GDA: variants seen among roughly 807,000 people sequenced by gnomAD.
GDA encodes the protein guanine deaminase.
A neutral mutation model predicts 59.6 loss-of-function variants in GDA; 18 were observed. That is an observed-to-expected ratio of 0.30 (90% CI 0.21 to 0.45). The LOEUF (loss-of-function observed/expected upper bound fraction) is 0.45, where lower values mean the gene tolerates loss of function less well. Ranked by LOEUF, GDA falls within the 20% of genes least tolerant of loss-of-function variation. The pLI is 1.00. For synonymous variants in GDA, 201 were observed against 201.1 expected (o/e 1.00, Z 0.00); for missense variants, 427 against 552.3 (o/e 0.77, Z 2.27).
chr9:72,132,957 C>T (rs963906637), intron 1 of GDA, among the ~76,000 whole-genome samples: 2 of 152,212 alleles, frequency 1.3e-5, no homozygotes, highest in Admixed American at 1.3e-4. Flanking sequence ...GTGTAATAAT[C>T]AATTTCAGGT....
At chr9:72,142,678 C>T (rs1826483553) in intron 1 of GDA, among the ~76,000 whole-genome samples, 1 of 152,116 alleles carries the variant, frequency 6.6e-6, no homozygotes, top group Admixed American at 6.5e-5. Flanking sequence ...ATATCATTGG[C>T]TTGTGACTGA....
rs1033318952 is a variant in GDA, at chr9:72,134,111, G to T, written c.-100+19278G>T. Reference sequence around the variant, plus strand: ...TGGAGGGAGTAGGGAAAGGGAAGGGGCTTGGCAAATAGGGATGAACGCCAG... The same window carrying T: ...TGGAGGGAGTAGGGAAAGGGAAGGGTCTTGGCAAATAGGGATGAACGCCAG... On this transcript the variant is annotated intron_variant, in intron 1 of 13. Transcript: ENST00000545168. 1.3e-4 allele frequency among the ~76,000 whole-genome samples: 20 copies of T among 152,048 alleles called. 1 individual carries two copies. Among genetic ancestry groups the T allele is most frequent in the Non-Finnish European group, 5.9e-5 (4 of 68,012 alleles).
chr9:72,198,027 T>C (rs1462017018), intron 2 of GDA, among the ~76,000 whole-genome samples: 3 of 152,090 alleles, frequency 2.0e-5, no homozygotes. Flanking sequence ...AGGCACAAAA[T>C]TTAAAAGCAG....
intron 2 of GDA, among the ~76,000 whole-genome samples, chr9:72,199,338 C>T (rs564129555): frequency 3.3e-5 from 5 of 152,072 alleles, no homozygotes; most frequent in Admixed American, 1.3e-4. Context: ...AATCATTTCA[C>T]GATGCTTACT....
At chr9:72,225,886 C>A in intron 8 of GDA, 102 bp downstream of exon 8, 1 of 580,352 alleles carries the variant, frequency 1.7e-6, no homozygotes, top group Non-Finnish European at 3.0e-6. Flanking sequence ...GAATACATTT[C>A]TTTAAAAATT....
At chr9:72,151,070 G>A (rs898187085) in intron 1 of GDA, among the ~76,000 whole-genome samples, 16 of 152,158 alleles carry the variant, frequency 1.1e-4, no homozygotes, top group African/African-American at 3.9e-4. Context: ...AATTGTAATT[G>A]GTAGGGTAAC....
At chr9:72,226,978 C>G (rs1284694806) in intron 8 of GDA, among the ~76,000 whole-genome samples, 2 of 152,004 alleles carry the variant, frequency 1.3e-5, no homozygotes, top group Non-Finnish European at 2.9e-5. Context: ...ATTAGCCAGG[C>G]GTGGTGGCAG....
intron 1 of GDA, among the ~76,000 whole-genome samples, chr9:72,179,107 T>A (rs1198625049): frequency 6.6e-6 from 1 of 152,184 alleles, no homozygotes; most frequent in Non-Finnish European, 1.5e-5. Context: ...ATCAACCTTT[T>A]AAGTAGGAAT....
At chr9:72,193,466 A>G (rs1047035920) in intron 1 of GDA, among the ~76,000 whole-genome samples, 2 of 152,196 alleles carry the variant, frequency 1.3e-5, no homozygotes, top group African/African-American at 4.8e-5. Flanking sequence ...TTCCCTTACT[A>G]TCTCCCAAAC....
chr9:72,224,699 C>T (rs900711948), intron 7 of GDA, among the ~76,000 whole-genome samples: 12 of 151,990 alleles, frequency 7.9e-5, no homozygotes, highest in Admixed American at 2.0e-4. Flanking sequence ...CTGCTGCATC[C>T]GGAGGGGCAG....
At chr9:72,194,850 T>C (rs1162816209) in intron 1 of GDA, among the ~76,000 whole-genome samples, 1 of 152,182 alleles carries the variant, frequency 6.6e-6, no homozygotes, top group African/African-American at 2.4e-5. Context: ...CTGGTTTGAA[T>C]GTTCCCTCTG....
chr9:72,165,018 C>T (rs1487149881), intron 1 of GDA, among the ~76,000 whole-genome samples: 1 of 151,040 alleles, frequency 6.6e-6, no homozygotes, highest in Admixed American at 6.6e-5. Flanking sequence ...CTCTGGCTGT[C>T]CTCTGGTCTT....
At chr9:72,214,034 C>A in intron 5 of GDA, 43 bp downstream of exon 5, 1 of 1,043,982 alleles carries the variant, frequency 9.6e-7, no homozygotes, top group South Asian at 1.3e-5. Context: ...AGGTGAATTC[C>A]TGTGCTGCAC....
At chr9:72,239,554 G>C (rs1839383791) in intron 10 of GDA, among the ~76,000 whole-genome samples, 1 of 151,942 alleles carries the variant, frequency 6.6e-6, no homozygotes, top group African/African-American at 2.4e-5. Flanking sequence ...ATAAAATATA[G>C]TTAGTCTTTA....
chr9:72,218,669 T>C (rs1408402941), intron 5 of GDA, among the ~76,000 whole-genome samples: 1 of 152,188 alleles, frequency 6.6e-6, no homozygotes, highest in Non-Finnish European at 1.5e-5. Flanking sequence ...GCCTTTTCCT[T>C]CTGCTTTACT....
At position 72,142,075 on chromosome 9, in the gene GDA, C is replaced by T. The variant is rs562445444; in HGVS notation, c.-100+27242C>T. Among the ~76,000 whole-genome samples the T allele has an allele frequency of 3.3e-5, 5 of 152,254 alleles. No individual in the cohort carries two copies. In the South Asian group the frequency reaches 1.0e-3, roughly 32 times the overall value. Reference sequence around the variant, plus strand: ...AATTTGTCCAACTTGAGATAGGTTGCATGGGCTAAGTAAAATGTTAGACCT... The same window carrying T: ...AATTTGTCCAACTTGAGATAGGTTGTATGGGCTAAGTAAAATGTTAGACCT... On this transcript the variant is annotated intron_variant, in intron 1 of 13. Transcript: ENST00000545168.
chr9:72,211,213 G>T (rs1463689389), intron 4 of GDA, among the ~76,000 whole-genome samples: 2 of 152,154 alleles, frequency 1.3e-5, no homozygotes, highest in African/African-American at 4.8e-5. Context: ...AATAGTCTCT[G>T]CCCTTGAGAA....
intron 9 of GDA, among the ~76,000 whole-genome samples, chr9:72,229,560 G>T (rs919139585): frequency 1.3e-5 from 2 of 152,154 alleles, no homozygotes; most frequent in African/African-American, 2.4e-5. Context: ...GGAGCTGGCT[G>T]TGACAGTAAT....
At chr9:72,239,038 C>A (rs2131755507) in intron 10 of GDA, among the ~76,000 whole-genome samples, 1 of 152,236 alleles carries the variant, frequency 6.6e-6, no homozygotes, top group Middle Eastern at 3.4e-3. Context: ...TACCACAGTG[C>A]CTCTAGCCAT....
Sources: allele counts gnomAD v4.1 joint callset (sites outside exome capture counted in the v4.1 genomes callset), GRCh38; gene constraint gnomAD v4.1.1; transcripts MANE v1.5; gene names NCBI Gene and HGNC (gene_info 2026-07-23, HGNC 2026-07-21).